The following SNX21 variants were observed in gnomAD, a reference collection of about 807,000 sequenced individuals.
The protein encoded by SNX21 is sorting nexin-21.
Under a neutral mutation model 30.9 loss-of-function variants are expected in SNX21, and 36 were observed. The observed-to-expected ratio is 1.16, with a 90% CI of 0.89 to 1.54. The LOEUF (loss-of-function observed/expected upper bound fraction) is 1.54, where lower values mean the gene tolerates loss of function less well. SNX21 is among the 40% of genes most tolerant of loss of function. SNX21 has a pLI of 0.00. For missense variants in SNX21, 508 were observed against 516.5 expected (o/e 0.98, Z 0.16); for synonymous variants, 218 against 222.7 (o/e 0.98, Z 0.19).
intron 3 of SNX21, among the ~76,000 whole-genome samples, chr20:45,836,519 T>G (rs1284197783): frequency 1.2e-5 from 1 of 81,948 alleles, no homozygotes; most frequent in Non-Finnish European, 2.9e-5. Context: ...AAAAAAAAAT[T>G]TTGAGACAGG....
In SNX21 at chr20:45,841,248, G is replaced by A; in HGVS notation, c.1057G>A (p.Ala353Thr). 1 of 1,610,084 alleles carries A rather than the reference G, an allele frequency of 6.2e-7. No homozygotes were observed. The highest frequency in any genetic ancestry group is 8.5e-7 in the Non-Finnish European group (1 of 1,178,282). ...GGCTCGGCTCCAAGCCCTGCAGGAG[G>A]CAGGCCTTACCCCCACACCACCCCC... is the stretch of plus-strand genomic sequence containing the variant. Reference protein sequence around the residue: ...SEARLQALQEAGLTPTPPPSL... With the variant: ...SEARLQALQETGLTPTPPPSL... Residue 353 changes from alanine to threonine, a missense_variant, in exon 4 of 4, where the codon GCA becomes ACA. By Grantham distance (58) the Ala-to-Thr change is moderately conservative. Coordinates refer to ENST00000491381, the MANE Select transcript of SNX21 (RefSeq NM_033421.4).
chr20:45,834,315 G>C lies in SNX21; in HGVS notation c.136G>C (p.Glu46Gln), dbSNP rs771813355. The change falls in exon 2 of 4, where the codon GAG (glutamate) becomes CAG (glutamine). Residue 46 changes from glutamate to glutamine, a missense_variant. By Grantham distance (29) the Glu-to-Gln change is conservative. Transcript: ENST00000491381. ...GCAGTTTCCGGAGAGCTCAGAGCTG[G>C]AGGACGACGACGCCGAGGGCCTGTC... ...AEQFPESSEL[E>Q]DDDAEGLSSR... The C allele has an allele frequency of 4.4e-6, 7 of 1,597,942 alleles. No individual in the cohort carries two copies. In the Admixed American group the frequency reaches 1.2e-4, roughly 27 times the overall value.
intron 3 of SNX21, among the ~76,000 whole-genome samples, chr20:45,835,436 A>C (rs1448769788): frequency 2.6e-5 from 4 of 152,210 alleles, no homozygotes; most frequent in Admixed American, 6.5e-5. Flanking sequence ...ACAGAGAGAC[A>C]GATGTTATCT....
chr20:45,834,857 G>C (rs922449676), intron 2 of SNX21, 102 bp from the exon 3 acceptor site: 47 of 1,431,958 alleles, frequency 3.3e-5, no homozygotes, highest in Non-Finnish European at 4.3e-5. Context: ...GTAAAAAGGG[G>C]GTAAGTCCTG....
chr20:45,836,518 T>A (rs147597115), intron 3 of SNX21, among the ~76,000 whole-genome samples: 3,897 of 75,390 alleles, frequency 0.052, 82 homozygotes, highest in Middle Eastern at 0.086. Flanking sequence ...AAAAAAAAAA[T>A]TTTGAGACAG....
intron 2 of SNX21, chr20:45,834,752 T>C: frequency 5.8e-6 from 4 of 687,940 alleles, no homozygotes; most frequent in Admixed American, 3.0e-5. Context: ...GTATTAACGA[T>C]ATTTTGAGGG....
Position 45,833,827 on chromosome 20 carries a change from G to A in SNX21, c.-93G>A, listed in dbSNP as rs2145732235. On this transcript the variant is annotated 5_prime_UTR_variant, in exon 1 of 4. Transcript: ENST00000491381. ...AAGCTGCCCGAGCGGCGCTCTGAGC[G>A]GCCTGAGCCCGGCGGAGCCCTGCAG... The A allele has an allele frequency of 8.3e-7, 1 of 1,206,500 alleles. No individual in the cohort carries two copies. The highest frequency in any genetic ancestry group is 1.0e-6 in the Non-Finnish European group (1 of 954,986). 74.7% of individuals were successfully genotyped at this position (1,206,500 alleles called of 1,614,324 possible).
At chr20:45,836,490 CAAAA>C (rs74176824) in intron 3 of SNX21, among the ~76,000 whole-genome samples, 21 of 51,332 alleles carry the variant, frequency 4.1e-4, no homozygotes, top group African/African-American at 1.4e-3. Context: ...GACTCCGTCT[CAAAA>C]AAAAAAAAAA....
chr20:45,842,463 C>T lies in SNX21; in HGVS notation c.*1150C>T. 1.4e-5 allele frequency: 15 copies of T among 1,045,138 alleles called. No homozygotes were observed. Among genetic ancestry groups the T allele is most frequent in the Non-Finnish European group, 1.7e-5 (15 of 868,242 alleles). The allele number at this position is 1,045,138 out of a possible 1,614,324, so 64.7% of individuals were successfully genotyped here. On this transcript the variant is annotated 3_prime_UTR_variant, in exon 4 of 4. Coordinates refer to ENST00000491381, the MANE Select transcript of SNX21 (RefSeq NM_033421.4). ...GTATAATAAATCAAGCCAGGTCCTCCAAGTGGTAATTCATGAAAAATATCC... is the reference window on the plus strand; with the variant it reads ...GTATAATAAATCAAGCCAGGTCCTCTAAGTGGTAATTCATGAAAAATATCC...
chr20:45,834,047 G>C, intron 1 of SNX21, 107 bp downstream of exon 1: 1 of 1,412,150 alleles, frequency 7.1e-7, no homozygotes, highest in Non-Finnish European at 9.3e-7. Flanking sequence ...GATGCTGGCT[G>C]GGTCCCCTGG....
chr20:45,836,900 A>G (rs918481331), intron 3 of SNX21, among the ~76,000 whole-genome samples: 1 of 152,188 alleles, frequency 6.6e-6, no homozygotes, highest in African/African-American at 2.4e-5. Flanking sequence ...TGTGGGGGTG[A>G]AGAGCACAGG....
In SNX21 at chr20:45,833,811, G is replaced by T; in HGVS notation, c.-109G>T. 1.8e-6 allele frequency: 2 copies of T among 1,135,084 alleles called. No individual in the cohort carries two copies. Among genetic ancestry groups the T allele is most frequent in the South Asian group, 8.0e-5 (2 of 24,940 alleles). 70.3% of individuals were successfully genotyped at this position (1,135,084 alleles called of 1,614,324 possible). A position where few individuals can be genotyped will look rare whatever the true frequency, so the allele number is the denominator to read the frequency against. ...GCGGGGCGGCGGCAGGAAGCTGCCC[G>T]AGCGGCGCTCTGAGCGGCCTGAGCC... On this transcript the variant is annotated 5_prime_UTR_variant, in exon 1 of 4. Transcript: ENST00000491381.
At chr20:45,840,215 G>C in intron 3 of SNX21, 1 of 1,416,554 alleles carries the variant, frequency 7.1e-7, no homozygotes, top group Non-Finnish European at 9.2e-7. Context: ...GGAAAAGCCT[G>C]ACCAGGGATG....
Position 45,841,964 on chromosome 20 carries a change from T to C in SNX21, c.*651T>C, listed in dbSNP as rs1305400533. On this transcript the variant is annotated 3_prime_UTR_variant, in exon 4 of 4. Transcript: ENST00000491381. Reference sequence around the variant, plus strand: ...CCAGCCCCCGAGAGCCACCTGTGGGTGAGGTGAAGGGTGATGATGGCCTGC... The same window carrying C: ...CCAGCCCCCGAGAGCCACCTGTGGGCGAGGTGAAGGGTGATGATGGCCTGC... 1 of 1,611,992 alleles carries C rather than the reference T, an allele frequency of 6.2e-7. No homozygotes were observed. Among genetic ancestry groups the C allele is most frequent in the Non-Finnish European group, 8.5e-7 (1 of 1,179,758 alleles).
In SNX21 at chr20:45,835,001, T is replaced by A. The variant is rs1568725594; in HGVS notation, c.332T>A (p.Leu111Gln). ...PPDGQWGSQL[L>Q]ARQLQDFWKK... ...GATGGGCAGTGGGGCAGTCAGCTCC[T>A]GGCGCGGCAGCTGCAGGATTTCTGG... Residue 111 changes from leucine (L) to glutamine (Q), a missense_variant, in exon 3 of 4, where the codon CTG (leucine) becomes CAG (glutamine). By Grantham distance (113) the Leu-to-Gln change is moderately radical (BLOSUM62 -2). Transcript: ENST00000491381. 31 of 1,614,086 alleles carry A rather than the reference T, an allele frequency of 1.9e-5. No individual in the cohort carries two copies. In the East Asian group the frequency reaches 6.7e-4, roughly 35 times the overall value.
Position 45,841,336 on chromosome 20 carries a change from C to T in SNX21, c.*23C>T. On this transcript the variant is annotated 3_prime_UTR_variant, in exon 4 of 4. Transcript: ENST00000491381. ...TAACCCTTGCCTAGATTTAAGGCCA[C>T]TGTGAGGAGAGGGGTTGCCCCAGAA... is the stretch of plus-strand genomic sequence containing the variant. 1 of 1,524,492 alleles carries T rather than the reference C, an allele frequency of 6.6e-7. No individual in the cohort carries two copies. Among genetic ancestry groups the T allele is most frequent in the Non-Finnish European group, 8.8e-7 (1 of 1,137,852 alleles). 94.4% of individuals were successfully genotyped at this position (1,524,492 alleles called of 1,614,324 possible).
chr20:45,834,469 G>T lies in SNX21; in HGVS notation c.289+1G>T. The T allele has an allele frequency of 6.2e-7, 1 of 1,600,274 alleles. No individual in the cohort carries two copies. Reference sequence around the variant, plus strand: ...GATGGGACGTCAGGAGAAGACGCAGGCGAGTGCAGGAGGACGGAGGCGGGA... The same window carrying T: ...GATGGGACGTCAGGAGAAGACGCAGTCGAGTGCAGGAGGACGGAGGCGGGA... On this transcript the variant is annotated splice_donor_variant, in intron 2 of 3. Transcript: ENST00000491381. LOFTEE classifies it high-confidence loss of function.
chr20:45,834,533 C>T, intron 2 of SNX21, 65 bp downstream of exon 2: 1 of 1,492,678 alleles, frequency 6.7e-7, no homozygotes, highest in Non-Finnish European at 8.9e-7. Context: ...CAGCCGCGTT[C>T]CCAGAGCATC....
chr20:45,837,162 G>A (rs926432029), intron 3 of SNX21, among the ~76,000 whole-genome samples: 6 of 152,188 alleles, frequency 3.9e-5, no homozygotes, highest in African/African-American at 7.2e-5. Flanking sequence ...CCATCTGGCT[G>A]CATGTTACAA....
Sources: gnomAD v4.1 joint callset for allele counts (sites outside exome capture counted in the v4.1 genomes callset) on GRCh38, gnomAD v4.1.1 for gene constraint, MANE v1.5 for transcripts, NCBI Gene and HGNC (gene_info 2026-07-23, HGNC 2026-07-21) for gene names.